NCR1: variants seen among roughly 807,000 people sequenced by gnomAD.
NCR1 encodes natural cytotoxicity triggering receptor 1.
Under a neutral mutation model 32.5 loss-of-function variants are expected in NCR1, and 30 were observed. That is an observed-to-expected ratio of 0.92 (90% CI 0.69 to 1.25). The LOEUF is 1.25. NCR1 is among the 50% of genes most tolerant of loss of function. NCR1 has a pLI of 0.00. For synonymous variants in NCR1, 169 were observed against 143.4 expected, an observed-to-expected ratio of 1.18 and a Z score of -1.28; for missense variants, 369 against 380.7, an observed-to-expected ratio of 0.97 and a Z score of 0.26.
chr19:54,921,656 C>T, the NCR1 span, among the ~76,000 whole-genome samples: 1 of 151,278 alleles, frequency 6.6e-6, no homozygotes, highest in Non-Finnish European at 1.5e-5. Flanking sequence ...CCTCTAGTCT[C>T]AGCTACTCCG....
At chr19:54,930,477 G>T in the NCR1 span, 5 of 1,555,310 alleles carry the variant, frequency 3.2e-6, no homozygotes, top group African/African-American at 5.4e-5. Flanking sequence ...AAGAAAGAAA[G>T]AAGAAAAAGA....
At chr19:54,931,832 G>T in the NCR1 span, among the ~76,000 whole-genome samples, 1 of 127,304 alleles carries the variant, frequency 7.9e-6, no homozygotes, top group Non-Finnish European at 1.6e-5. Context: ...CCTGGTGACA[G>T]AGAGAGACTG....
chr19:54,910,857 A>C (rs909148389), intron 5 of NCR1, among the ~76,000 whole-genome samples: 1 of 152,246 alleles, frequency 6.6e-6, no homozygotes, highest in Non-Finnish European at 1.5e-5. Context: ...AAGGCATCTG[A>C]GCAAATGCGT....
the NCR1 span, among the ~76,000 whole-genome samples, chr19:54,929,388 G>A: frequency 1.6e-5 from 2 of 123,974 alleles, 1 homozygote; most frequent in South Asian, 5.8e-4. Context: ...AGTACCCTGT[G>A]TTCTAGTGTT....
chr19:54,902,301 G>A (rs1176570428), upstream of NCR1, among the ~76,000 whole-genome samples: 5 of 151,240 alleles, frequency 3.3e-5, no homozygotes, highest in Non-Finnish European at 5.9e-5. Context: ...AGAAATTACA[G>A]ATTTTTTTTT....
downstream of NCR1, among the ~76,000 whole-genome samples, chr19:54,913,440 C>T (rs953557826): frequency 6.6e-6 from 1 of 152,222 alleles, no homozygotes; most frequent in Non-Finnish European, 1.5e-5. Flanking sequence ...TACTTTTAAC[C>T]ACTCTGGTCT....
the NCR1 span, among the ~76,000 whole-genome samples, chr19:54,922,465 C>T: frequency 1.3e-5 from 2 of 151,844 alleles, no homozygotes; most frequent in Admixed American, 1.3e-4. Flanking sequence ...CCAGAGACAG[C>T]CACACAGACT....
the NCR1 span, among the ~76,000 whole-genome samples, chr19:54,921,636 G>A: frequency 2.0e-5 from 3 of 151,912 alleles, no homozygotes; most frequent in Non-Finnish European, 1.5e-5. Context: ...GCCAGGCATG[G>A]TGACGCACAC....
the NCR1 span, among the ~76,000 whole-genome samples, chr19:54,928,084 G>C: frequency 6.6e-6 from 1 of 152,126 alleles, no homozygotes. Context: ...GCCATGCATG[G>C]TGGTGTGTGC....
the NCR1 span, among the ~76,000 whole-genome samples, chr19:54,921,772 CA>C: frequency 7.2e-3 from 678 of 93,884 alleles, 1 homozygote; most frequent in Non-Finnish European, 0.01. Context: ...GACTCCATCT[CA>C]AAAAAAAAAA....
rs587721365 is a variant in NCR1, at chr19:54,910,807, A to C, written c.682+742A>C. On this transcript the variant is annotated intron_variant, in intron 5 of 6. Transcript: ENST00000291890. ...ACAGTGATTGAAATGGCAGCTAGCAATATTAAATAGGTTTGTCCAGATGGA... is the reference window on the plus strand; with the variant it reads ...ACAGTGATTGAAATGGCAGCTAGCACTATTAAATAGGTTTGTCCAGATGGA... Among the ~76,000 whole-genome samples the C allele has an allele frequency of 5.3e-5, 8 of 152,298 alleles. No individual in the cohort carries two copies. The East Asian group carries it at 1.5e-3, about 29-fold the overall frequency.
the NCR1 span, among the ~76,000 whole-genome samples, chr19:54,921,737 A>G: frequency 7.1e-6 from 1 of 141,090 alleles, no homozygotes; most frequent in Admixed American, 7.9e-5. Flanking sequence ...GCACCACTGC[A>G]CTCCAGCCTG....
At chr19:54,908,314 TAGA>T (rs1390346556) in intron 3 of NCR1, among the ~76,000 whole-genome samples, 1 of 152,226 alleles carries the variant, frequency 6.6e-6, no homozygotes, top group African/African-American at 2.4e-5. Context: ...GGTAAGGTCA[TAGA>T]TTAACAGCAT....
chr19:54,902,879 C>T (rs2067325304), upstream of NCR1, among the ~76,000 whole-genome samples: 1 of 152,152 alleles, frequency 6.6e-6, no homozygotes, highest in Non-Finnish European at 1.5e-5. Flanking sequence ...CCTGTAATCC[C>T]AGCACTTTGG....
downstream of NCR1, among the ~76,000 whole-genome samples, chr19:54,915,034 C>A (rs1029833762): frequency 1.3e-5 from 2 of 152,106 alleles, no homozygotes; most frequent in East Asian, 1.9e-4. Context: ...TGAGCCACTG[C>A]GCCCAGCCAA....
At chr19:54,937,947 TG>T in the NCR1 span, 2 of 805,454 alleles carry the variant, frequency 2.5e-6, no homozygotes, top group African/African-American at 3.7e-5. Flanking sequence ...CCCAAATACA[TG>T]GAGATGAAAC....
chr19:54,937,895 C>T, the NCR1 span: 2 of 670,216 alleles, frequency 3.0e-6, no homozygotes, highest in Non-Finnish European at 5.0e-6. Context: ...AAATCTCCGT[C>T]TCACCAAAAA....
At chr19:54,901,781 A>G (rs887143030), upstream of NCR1, among the ~76,000 whole-genome samples, 2 of 152,090 alleles carry the variant, frequency 1.3e-5, no homozygotes, top group African/African-American at 4.8e-5. Flanking sequence ...CAGCCTGGCC[A>G]ACTTGACGAA....
intron 5 of NCR1, 50 bp from the exon 6 acceptor site, chr19:54,912,118 G>A (rs939993296): frequency 7.4e-6 from 11 of 1,493,110 alleles, no homozygotes; most frequent in Non-Finnish European, 9.3e-6. Flanking sequence ...GGAGTGCTGG[G>A]GTGGAGGAGG....
Sources: allele counts gnomAD v4.1 joint callset (sites outside exome capture counted in the v4.1 genomes callset), GRCh38; gene constraint gnomAD v4.1.1; transcripts MANE v1.5; gene names NCBI Gene and HGNC (gene_info 2026-07-23, HGNC 2026-07-21).